The following UBTD2 variants were observed in gnomAD, a reference collection of about 807,000 sequenced individuals.
UBTD2 encodes ubiquitin domain containing 2.
UBTD2 carries 9 observed loss-of-function variants against 19.8 expected under a neutral mutation model. The observed-to-expected ratio is 0.46, with a 90% CI of 0.27 to 0.79. The LOEUF (loss-of-function observed/expected upper bound fraction) is 0.79, where lower values mean the gene tolerates loss of function less well. Ranked by LOEUF, UBTD2 falls within the 30% of genes least tolerant of loss-of-function variation. The probability of loss-of-function intolerance (pLI) is 0.14; values close to 1 mark genes in which losing one functional copy is unlikely to be tolerated. For synonymous variants in UBTD2, 98 were observed against 103.9 expected, an observed-to-expected ratio of 0.94 and a Z score of 0.35; for missense variants, 250 against 300.4, an observed-to-expected ratio of 0.83 and a Z score of 1.24.
chr5:172,231,172 T>C (rs1771887660), intron 2 of UBTD2, among the ~76,000 whole-genome samples: 1 of 152,166 alleles, frequency 6.6e-6, no homozygotes. Flanking sequence ...AAGCATACAA[T>C]AGCCTAGTTA....
intron 2 of UBTD2, among the ~76,000 whole-genome samples, chr5:172,217,507 A>C (rs1220362379): frequency 6.6e-6 from 1 of 151,970 alleles, no homozygotes; most frequent in Non-Finnish European, 1.5e-5. Flanking sequence ...ACTTTTAGAG[A>C]CAGGGTCTTG....
At chr5:172,231,538 A>C (rs1771898743) in intron 2 of UBTD2, among the ~76,000 whole-genome samples, 1 of 152,202 alleles carries the variant, frequency 6.6e-6, no homozygotes, top group African/African-American at 2.4e-5. Flanking sequence ...GCCCACATCC[A>C]GTAGGATATG....
intron 2 of UBTD2, among the ~76,000 whole-genome samples, chr5:172,217,967 GCAA>G (rs1319378823): frequency 2.6e-5 from 4 of 152,172 alleles, no homozygotes; most frequent in Non-Finnish European, 4.4e-5. Flanking sequence ...ATACTTGAAT[GCAA>G]CAATACCATC....
chr5:172,210,416 C>G lies in UBTD2; in HGVS notation c.*1414G>C, dbSNP rs1233253267. 1 of 152,164 alleles carries G rather than the reference C, an allele frequency of 6.6e-6. No homozygotes were observed. Among genetic ancestry groups the G allele is most frequent in the African/African-American group, 2.4e-5 (1 of 41,436 alleles). The allele number at this position is 152,164 out of a possible 1,614,324, so 9.4% of individuals were successfully genotyped here. On this transcript the variant is annotated 3_prime_UTR_variant, in exon 3 of 3. Transcript: ENST00000393792. ...TGTACTTTTCCATCTCATGGATTCT[C>G]AGGGGCACAGTGGTCACATGTTAGC... is the stretch of plus-strand genomic sequence containing the variant.
chr5:172,229,148 A>C (rs1771836444), intron 2 of UBTD2, among the ~76,000 whole-genome samples: 2 of 152,152 alleles, frequency 1.3e-5, no homozygotes, highest in African/African-American at 4.8e-5. Flanking sequence ...TTCCCAGTAG[A>C]AAAGCATGTT....
Position 172,269,490 on chromosome 5 carries a change from C to CA in UBTD2, c.70+14105dup, listed in dbSNP as rs373193759. 6.3e-3 allele frequency among the ~76,000 whole-genome samples: 459 copies of CA among 73,072 alleles called. 1 individual carries two copies. Among genetic ancestry groups the CA allele is most frequent in the Middle Eastern group, 0.03 (3 of 100 alleles). The allele number at this position is 73,072 out of a possible 152,430, so 47.9% of individuals were successfully genotyped here. On this transcript the variant is annotated intron_variant, in intron 1 of 2. Transcript: ENST00000393792. ...TGGGCAACAGAGTGAGGCCCTGTCT[C>CA]AAAAAAAAAAAAAAAAATTAAGTTT...
At chr5:172,241,413 TAAAAAAA>T (rs1175413571) in intron 1 of UBTD2, among the ~76,000 whole-genome samples, 5 of 118,286 alleles carry the variant, frequency 4.2e-5, no homozygotes, top group African/African-American at 1.2e-4. Flanking sequence ...CTGTCTCAAT[TAAAAAAA>T]AAAAAAAAAA....
chr5:172,254,432 G>A, intron 1 of UBTD2: 1 of 414,962 alleles, frequency 2.4e-6, no homozygotes, highest in Non-Finnish European at 4.5e-6. Flanking sequence ...GACGGGAAAA[G>A]CTACGGTTAC....
intron 1 of UBTD2, among the ~76,000 whole-genome samples, chr5:172,240,110 CCAGA>C (rs891667721): frequency 3.3e-5 from 5 of 152,130 alleles, no homozygotes; most frequent in African/African-American, 1.2e-4. Context: ...ATGGTTATGA[CCAGA>C]CAAAGGAAAA....
intron 1 of UBTD2, among the ~76,000 whole-genome samples, chr5:172,258,094 G>A (rs1436649581): frequency 1.3e-5 from 2 of 152,304 alleles, no homozygotes; most frequent in South Asian, 2.1e-4. Flanking sequence ...CCTATGTCCA[G>A]AATGGTATTT....
At chr5:172,258,735 AT>A (rs1232473903) in intron 1 of UBTD2, among the ~76,000 whole-genome samples, 2 of 152,098 alleles carry the variant, frequency 1.3e-5, no homozygotes, top group African/African-American at 4.8e-5. Context: ...ACAGAACTGT[AT>A]TCTTGATTTA....
intron 1 of UBTD2, among the ~76,000 whole-genome samples, chr5:172,240,491 GAA>G (rs143390787): frequency 6.6e-6 from 1 of 151,894 alleles, no homozygotes; most frequent in African/African-American, 2.4e-5. Flanking sequence ...TTATTGGGGG[GAA>G]AAAAATCAAC....
At chr5:172,274,905 G>A (rs1359709919) in intron 1 of UBTD2, among the ~76,000 whole-genome samples, 2 of 152,090 alleles carry the variant, frequency 1.3e-5, no homozygotes, top group East Asian at 1.9e-4. Context: ...GCATGGTGGC[G>A]GGCGCCTGTA....
At chr5:172,235,056 T>C (rs929770388) in intron 1 of UBTD2, among the ~76,000 whole-genome samples, 1 of 151,982 alleles carries the variant, frequency 6.6e-6, no homozygotes, top group African/African-American at 2.4e-5. Flanking sequence ...TTCCTCTCAA[T>C]TCTGTTATGA....
intron 1 of UBTD2, among the ~76,000 whole-genome samples, chr5:172,257,212 C>A (rs942235365): frequency 3.3e-5 from 5 of 152,312 alleles, no homozygotes; most frequent in Admixed American, 3.3e-4. Flanking sequence ...GTTTAGCTCC[C>A]ACTTATTAGT....
chr5:172,244,392 G>A (rs1213312923), intron 1 of UBTD2, among the ~76,000 whole-genome samples: 2 of 149,480 alleles, frequency 1.3e-5, no homozygotes, highest in African/African-American at 2.5e-5. Flanking sequence ...TGCCTCCCAG[G>A]TGCAAGCAAT....
intron 2 of UBTD2, among the ~76,000 whole-genome samples, chr5:172,233,904 A>G (rs1205399504): frequency 6.6e-6 from 1 of 152,122 alleles, no homozygotes; most frequent in East Asian, 1.9e-4. Flanking sequence ...AAATTAAGAT[A>G]TATTTAAAAA....
At chr5:172,220,081 C>T (rs1422869091) in intron 2 of UBTD2, among the ~76,000 whole-genome samples, 1 of 152,086 alleles carries the variant, frequency 6.6e-6, no homozygotes, top group African/African-American at 2.4e-5. Flanking sequence ...GAAAAATCCT[C>T]AACAAAATAT....
chr5:172,241,413 TAAAAAAAA>T (rs1175413571), intron 1 of UBTD2, among the ~76,000 whole-genome samples: 2 of 118,286 alleles, frequency 1.7e-5, no homozygotes, highest in Non-Finnish European at 3.6e-5. Flanking sequence ...CTGTCTCAAT[TAAAAAAAA>T]AAAAAAAAAA....
Sources: allele counts gnomAD v4.1 joint callset (sites outside exome capture counted in the v4.1 genomes callset), GRCh38; gene constraint gnomAD v4.1.1; transcripts MANE v1.5; gene names NCBI Gene and HGNC (gene_info 2026-07-23, HGNC 2026-07-21).